CARMIL1: variants seen among roughly 807,000 people sequenced by gnomAD.
The protein encoded by CARMIL1 is capping protein regulator and myosin 1 linker 1.
A neutral mutation model predicts 177.1 loss-of-function variants in CARMIL1; 90 were observed. That is an observed-to-expected ratio of 0.51 (90% CI 0.43 to 0.61). The LOEUF (loss-of-function observed/expected upper bound fraction) is 0.61, where lower values mean the gene tolerates loss of function less well. CARMIL1 is among the 20% of genes least tolerant of loss of function. The pLI is 0.00. For missense variants in CARMIL1, 1,380 were observed against 1,667.0 expected (o/e 0.83, Z 3.00); for synonymous variants, 577 against 606.2 (o/e 0.95, Z 0.71).
At chr6:25,435,894 C>T (rs1351690331) in intron 5 of CARMIL1, among the ~76,000 whole-genome samples, 2 of 152,080 alleles carry the variant, frequency 1.3e-5, no homozygotes, top group African/African-American at 4.8e-5. Context: ...TCCAGATTTA[C>T]AGGAGTGTGA....
chr6:25,553,135 A>AT (rs1810273568), intron 27 of CARMIL1, among the ~76,000 whole-genome samples: 1 of 152,142 alleles, frequency 6.6e-6, no homozygotes, highest in Admixed American at 6.6e-5. Flanking sequence ...GGTTAGCAAG[A>AT]TTTTTTCCAT....
At chr6:25,504,541 T>C (rs1321520191) in intron 17 of CARMIL1, among the ~76,000 whole-genome samples, 1 of 152,204 alleles carries the variant, frequency 6.6e-6, no homozygotes, top group Non-Finnish European at 1.5e-5. Context: ...ATCATTGTTA[T>C]TTGGAAAATT....
At chr6:25,301,401 A>G (rs1236780076) in intron 2 of CARMIL1, among the ~76,000 whole-genome samples, 2 of 152,158 alleles carry the variant, frequency 1.3e-5, no homozygotes, top group African/African-American at 2.4e-5. Context: ...ATGTACTTAA[A>G]CTAATATGTG....
At chr6:25,380,103 CT>C (rs1791382344) in intron 2 of CARMIL1, among the ~76,000 whole-genome samples, 1 of 152,018 alleles carries the variant, frequency 6.6e-6, no homozygotes, top group Non-Finnish European at 1.5e-5. Context: ...AAAGCTGTGT[CT>C]TTGGGAGATT....
chr6:25,281,983 C>T (rs1286670094), intron 1 of CARMIL1, among the ~76,000 whole-genome samples: 2 of 151,818 alleles, frequency 1.3e-5, no homozygotes, highest in Non-Finnish European at 2.9e-5. Context: ...GGCGTGGGGG[C>T]ACGTGGCTGT....
chr6:25,346,383 C>T (rs1328796985), intron 2 of CARMIL1, among the ~76,000 whole-genome samples: 1 of 152,144 alleles, frequency 6.6e-6, no homozygotes, highest in Non-Finnish European at 1.5e-5. Context: ...GTCCTTTATC[C>T]ATGTCCTCAT....
intron 8 of CARMIL1, 126 bp downstream of exon 8, chr6:25,450,837 CCCCTCCCCTT>C (rs1798776253): frequency 2.2e-5 from 9 of 403,962 alleles, no homozygotes; most frequent in Non-Finnish European, 3.4e-5. Flanking sequence ...CCCCTTCCCT[CCCCTCCCCTT>C]CCCTCCCCTC....
chr6:25,549,943 ATTAT>A (rs1447871293), intron 26 of CARMIL1, among the ~76,000 whole-genome samples: 4 of 152,222 alleles, frequency 2.6e-5, no homozygotes, highest in African/African-American at 7.2e-5. Flanking sequence ...GACATGTAAT[ATTAT>A]TTATTCTCAA....
In CARMIL1 at chr6:25,540,066, T is replaced by C. The variant is rs760680440; in HGVS notation, c.2316T>C (p.Asp772=). The C allele has an allele frequency of 6.2e-7, 1 of 1,604,850 alleles. No individual in the cohort carries two copies. The highest frequency in any genetic ancestry group is 1.3e-5 in the African/African-American group (1 of 74,386). Residue 772 remains aspartate, a synonymous_variant, in exon 26 of 37, where the codon GAT becomes GAC. Coordinates refer to ENST00000329474, the MANE Select transcript of CARMIL1 (RefSeq NM_017640.6). Reference sequence around the variant, plus strand: ...CTGGAGAAGTTACAAGAGTAGTAGATGAACAACTAAAGGTTTGTGGGGTTT... The same window carrying C: ...CTGGAGAAGTTACAAGAGTAGTAGACGAACAACTAAAGGTTTGTGGGGTTT... ...SMAGEVTRVV[D]EQLKALLESM...
chr6:25,483,337 C>A (rs1802305008), intron 12 of CARMIL1, among the ~76,000 whole-genome samples: 3 of 152,190 alleles, frequency 2.0e-5, no homozygotes, highest in Non-Finnish European at 4.4e-5. Context: ...AGGTTGAATT[C>A]TGACTTTTCT....
intron 26 of CARMIL1, among the ~76,000 whole-genome samples, chr6:25,542,128 T>C (rs890430479): frequency 1.3e-5 from 2 of 152,260 alleles, no homozygotes; most frequent in African/African-American, 4.8e-5. Context: ...AGAATTTAAA[T>C]GGGCATGAAA....
At chr6:25,526,419 A>AC (rs1225226153) in intron 23 of CARMIL1, among the ~76,000 whole-genome samples, 1 of 151,248 alleles carries the variant, frequency 6.6e-6, no homozygotes, top group Non-Finnish European at 1.5e-5. Flanking sequence ...TGTTAATAAA[A>AC]AAATAGGTGA....
At chr6:25,571,177 G>A (rs533109816) in intron 29 of CARMIL1, among the ~76,000 whole-genome samples, 1 of 152,118 alleles carries the variant, frequency 6.6e-6, no homozygotes, top group East Asian at 1.9e-4. Context: ...GTAGGTCTAG[G>A]ATATTTTATA....
At chr6:25,511,263 C>T (rs934983632) in intron 20 of CARMIL1, among the ~76,000 whole-genome samples, 1 of 152,138 alleles carries the variant, frequency 6.6e-6, no homozygotes, top group Non-Finnish European at 1.5e-5. Context: ...CCTTTCGTTG[C>T]TCCTGACCAA....
At position 25,600,483 on chromosome 6, in the gene CARMIL1, G is replaced by T; in HGVS notation, c.3289G>T (p.Gly1097Trp). ...GACAGAAGAACCCTCCTCACCAAAA[G>T]GGGCAGTCAGAAGTCCACCTGTGGA... ...LMTEEPSSPKGAVRSPPVDCP... is the reference protein window; with the variant it reads ...LMTEEPSSPKWAVRSPPVDCP... Residue 1097 changes from glycine (G) to tryptophan (W), a missense_variant, in exon 33 of 37, where the codon GGG (glycine) becomes TGG (tryptophan). By Grantham distance (184) the Gly-to-Trp change is radical (BLOSUM62 -2). Transcript: ENST00000329474. 6.2e-7 allele frequency: 1 copy of T among 1,614,040 alleles called. No individual in the cohort carries two copies. Among genetic ancestry groups the T allele is most frequent in the South Asian group, 1.1e-5 (1 of 91,086 alleles).
intron 8 of CARMIL1, among the ~76,000 whole-genome samples, chr6:25,462,306 A>G (rs551930267): frequency 1.5e-4 from 23 of 152,066 alleles, no homozygotes; most frequent in African/African-American, 5.3e-4. Context: ...CCACTCCCTC[A>G]TCTCTGAGGG....
chr6:25,395,251 G>C (rs1793270995), intron 2 of CARMIL1, among the ~76,000 whole-genome samples: 1 of 152,156 alleles, frequency 6.6e-6, no homozygotes, highest in African/African-American at 2.4e-5. Flanking sequence ...GAAACATCCT[G>C]GAGAGGACGT....
At chr6:25,487,688 A>G (rs1396020270) in intron 12 of CARMIL1, among the ~76,000 whole-genome samples, 6 of 152,102 alleles carry the variant, frequency 3.9e-5, no homozygotes, top group Admixed American at 3.9e-4. Context: ...GACACACCTC[A>G]AAGAGCTCCT....
At chr6:25,576,600 C>T (rs921247126) in intron 29 of CARMIL1, among the ~76,000 whole-genome samples, 8 of 152,142 alleles carry the variant, frequency 5.3e-5, no homozygotes, top group Non-Finnish European at 8.8e-5. Flanking sequence ...AACAACCATC[C>T]GCTGCTCTGT....
Sources: allele counts gnomAD v4.1 joint callset (sites outside exome capture counted in the v4.1 genomes callset), GRCh38; gene constraint gnomAD v4.1.1; transcripts MANE v1.5; gene names NCBI Gene and HGNC (gene_info 2026-07-23, HGNC 2026-07-21).